The following GABRD variants were observed in gnomAD, a reference collection of about 807,000 sequenced individuals.
GABRD encodes gamma-aminobutyric acid receptor subunit delta.
A neutral mutation model predicts 47.3 loss-of-function variants in GABRD; 25 were observed. The observed-to-expected ratio is 0.53, with a 90% CI of 0.39 to 0.74. GABRD has a LOEUF of 0.74. Ranked by LOEUF, GABRD falls within the 30% of genes least tolerant of loss-of-function variation. The probability of loss-of-function intolerance (pLI) is 0.00; values close to 1 mark genes in which losing one functional copy is unlikely to be tolerated. For synonymous variants in GABRD, 314 were observed against 278.8 expected (o/e 1.13, Z -1.26); for missense variants, 497 against 643.4 (o/e 0.77, Z 2.46).
intron 2 of GABRD, 74 bp downstream of exon 2, chr1:2,025,128 G>A (rs1658883722): frequency 1.5e-6 from 2 of 1,377,942 alleles, no homozygotes; most frequent in Admixed American, 3.9e-5. Flanking sequence ...TGGCCCACTG[G>A]GCTGTAGGCT....
In GABRD at chr1:2,030,346, G is replaced by A; in HGVS notation, c.*64G>A. On this transcript the variant is annotated 3_prime_UTR_variant, in exon 9 of 9. Coordinates refer to ENST00000378585, the MANE Select transcript of GABRD (RefSeq NM_000815.5). Reference sequence around the variant, plus strand: ...GGCGGCAGCTGCCCAGAAACTTCCTGGGAGAAAGAGCCCTCGGGCTGCCTT... The same window carrying A: ...GGCGGCAGCTGCCCAGAAACTTCCTAGGAGAAAGAGCCCTCGGGCTGCCTT... 1 of 1,412,324 alleles carries A rather than the reference G, an allele frequency of 7.1e-7. No homozygotes were observed. Among genetic ancestry groups the A allele is most frequent in the Non-Finnish European group, 9.4e-7 (1 of 1,060,930 alleles). The allele number at this position is 1,412,324 out of a possible 1,614,324, so 87.5% of individuals were successfully genotyped here.
Position 2,019,356 on chromosome 1 carries a change from G to T in GABRD, c.-68G>T, listed in dbSNP as rs1450588166. 8 of 852,554 alleles carry T rather than the reference G, an allele frequency of 9.4e-6. No homozygotes were observed. Among genetic ancestry groups the T allele is most frequent in the Non-Finnish European group, 1.1e-5 (8 of 712,760 alleles). 52.8% of individuals were successfully genotyped at this position (852,554 alleles called of 1,614,324 possible). A position where few individuals can be genotyped will look rare whatever the true frequency, so the allele number is the denominator to read the frequency against. ...CGCCGCGCTCGCTCAGCTCCCGCCC[G>T]CCTGTGCCGCCTGTGCGGCCGCCGG... On this transcript the variant is annotated 5_prime_UTR_variant, in exon 1 of 9. Transcript: ENST00000378585.
intron 1 of GABRD, among the ~76,000 whole-genome samples, chr1:2,021,337 C>T (rs982925164): frequency 6.6e-6 from 1 of 152,200 alleles, no homozygotes; most frequent in African/African-American, 2.4e-5. Context: ...GAAGCACCTG[C>T]CAACTCAGCC....
intron 7 of GABRD, 80 bp downstream of exon 7, chr1:2,029,346 C>A: frequency 6.8e-7 from 1 of 1,475,228 alleles, no homozygotes; most frequent in Non-Finnish European, 9.1e-7. Context: ...CGGCTGGGGG[C>A]TCAGCACTGG....
intron 7 of GABRD, 101 bp from the exon 8 acceptor site, chr1:2,029,450 T>TG: frequency 1.7e-6 from 2 of 1,194,112 alleles, no homozygotes; most frequent in South Asian, 1.3e-5. Flanking sequence ...GGCATGGGGG[T>TG]GGGGGGCAGC....
intron 1 of GABRD, among the ~76,000 whole-genome samples, chr1:2,020,494 G>A (rs966304373): frequency 5.3e-5 from 8 of 152,210 alleles, no homozygotes; most frequent in Non-Finnish European, 7.3e-5. Flanking sequence ...TTGGAGGTGC[G>A]GGGGACAGAG....
At chr1:2,019,948 CCGGAGGGTCTGGGACGGA>C (rs1197557871) in intron 1 of GABRD, among the ~76,000 whole-genome samples, 5 of 152,224 alleles carry the variant, frequency 3.3e-5, no homozygotes, top group Non-Finnish European at 7.3e-5. Context: ...GCTTCCCCAG[CCGGAGGGTCTGGGACGGA>C]CGGAGGAGGC....
At chr1:2,029,334 C>A in intron 7 of GABRD, 68 bp downstream of exon 7, 1 of 1,493,190 alleles carries the variant, frequency 6.7e-7, no homozygotes, top group Non-Finnish European at 9.0e-7. Context: ...CTCCCCATCC[C>A]TCGGCTGGGG....
rs555313992 is a variant in GABRD at position 2,029,150 on chromosome 1, G to A, written c.731G>A (p.Arg244Gln). The stretch of plus-strand genomic sequence containing the variant: ...CGGCTCAGCCTGCACTTCCACCTGC[G>A]GAGGAACCGCGGCGTGTACATCATC... ...FPRLSLHFHL[R>Q]RNRGVYIIQS... The change falls in exon 7 of 9, where the codon CGG (arginine) becomes CAG (glutamine). Residue 244 changes from arginine to glutamine, a missense_variant. This residue lies in a region of GABRD where 285 missense variants were observed against 436.6 expected (regional missense o/e 0.65). Coordinates refer to ENST00000378585, the MANE Select transcript of GABRD (RefSeq NM_000815.5). 2.1e-5 allele frequency: 32 copies of A among 1,547,154 alleles called. No homozygotes were observed. Among genetic ancestry groups the A allele is most frequent in the South Asian group, 5.9e-5 (5 of 84,124 alleles).
rs774210907 is a variant in GABRD, at chr1:2,030,320, C to T, written c.*38C>T. On this transcript the variant is annotated 3_prime_UTR_variant, in exon 9 of 9. Coordinates refer to ENST00000378585, the MANE Select transcript of GABRD (RefSeq NM_000815.5). Reference sequence around the variant, plus strand: ...GGCCACCCTCGCTTGTCCTGGCGCCCGGCGGCAGCTGCCCAGAAACTTCCT... The same window carrying T: ...GGCCACCCTCGCTTGTCCTGGCGCCTGGCGGCAGCTGCCCAGAAACTTCCT... The T allele has an allele frequency of 1.6e-5, 24 of 1,465,214 alleles. 1 individual carries two copies. The highest frequency in any genetic ancestry group is 2.2e-4 in the Middle Eastern group (1 of 4,618). The allele number at this position is 1,465,214 out of a possible 1,614,324, so 90.8% of individuals were successfully genotyped here.
At position 2,025,327 on chromosome 1, in the gene GABRD, C is replaced by T; in HGVS notation, c.182-7C>T. 1 of 1,613,196 alleles carries T rather than the reference C, an allele frequency of 6.2e-7. No individual in the cohort carries two copies. Among genetic ancestry groups the T allele is most frequent in the Admixed American group, 1.7e-5 (1 of 60,030 alleles). Reference sequence around the variant, plus strand: ...CAGTCCTTCTTAGTTCTGCTCTTTCCTTGCAGGCCCCCCCGTGAATGTGGC... The same window carrying T: ...CAGTCCTTCTTAGTTCTGCTCTTTCTTTGCAGGCCCCCCCGTGAATGTGGC... On this transcript the variant is annotated splice_polypyrimidine_tract_variant and splice_region_variant and intron_variant, in intron 2 of 8. Transcript: ENST00000378585.
In GABRD at chr1:2,029,688, G is replaced by A. The variant is rs1270464006; in HGVS notation, c.985G>A (p.Ala329Thr). The A allele has an allele frequency of 2.5e-6, 4 of 1,613,466 alleles. No homozygotes were observed. The highest frequency in any genetic ancestry group is 1.7e-5 in the Admixed American group (1 of 60,012). The change falls in exon 8 of 9, where the codon GCC becomes ACC. Residue 329 changes from alanine to threonine, a missense_variant. By Grantham distance (58) the Ala-to-Thr change is moderately conservative. Coordinates refer to ENST00000378585, the MANE Select transcript of GABRD (RefSeq NM_000815.5). ...CGTGTTTGCCGCCCTGGTGGAGTAC[G>A]CCTTTGCTCATTTCAACGCCGACTA... Reference protein sequence around the residue: ...VFVFAALVEYAFAHFNADYRK... With the variant: ...VFVFAALVEYTFAHFNADYRK...
chr1:2,029,309 C>T, intron 7 of GABRD, 43 bp downstream of exon 7: 2 of 1,532,286 alleles, frequency 1.3e-6, no homozygotes, highest in Non-Finnish European at 1.8e-6. Context: ...GGAAGGGCGG[C>T]CCTGGGGAAC....
intron 4 of GABRD, among the ~76,000 whole-genome samples, chr1:2,026,331 G>C (rs563981702): frequency 6.6e-6 from 1 of 152,212 alleles, no homozygotes; most frequent in South Asian, 2.1e-4. Flanking sequence ...CGGAGTCAGG[G>C]GCGCCTTCTT....
rs374939770 is a variant in GABRD at position 2,028,323 on chromosome 1, T to C, written c.691+31T>C. ...ATATGCCCGCCGCCCCTTCCGCATG[T>C]GCCCGCCGCCCCTTCCGCGCGCGCC... On this transcript the variant is annotated intron_variant, in intron 6 of 8. Transcript: ENST00000378585. This position sits in a 1 kb window ranked among gnomAD's most constrained non-coding sequence, Gnocchi z 6.4. 2,004 of 1,587,536 alleles carry C rather than the reference T, an allele frequency of 1.3e-3. 20 individuals carry two copies. The African/African-American group carries it at 0.023, about 18-fold the overall frequency.
chr1:2,025,564 G>A lies in GABRD; in HGVS notation c.296G>A (p.Arg99Lys), dbSNP rs767191610. ...CTGCACCAGAGCTGGCGGGACAGCA[G>A]GCTCTCCTACAACCACACCAACGAG... is the stretch of plus-strand genomic sequence containing the variant. ...VFLHQSWRDS[R>K]LSYNHTNETL... Residue 99 changes from arginine (R) to lysine (K), a missense_variant, in exon 4 of 9, where the codon AGG becomes AAG. This residue lies in a region of GABRD where 285 missense variants were observed against 436.6 expected (regional missense o/e 0.65). Transcript: ENST00000378585. 2 of 1,613,096 alleles carry A rather than the reference G, an allele frequency of 1.2e-6. No homozygotes were observed. The highest frequency in any genetic ancestry group is 1.7e-6 in the Non-Finnish European group (2 of 1,180,008).
At position 2,029,102 on chromosome 1, in the gene GABRD, T is replaced by C. The variant is rs1438920442; in HGVS notation, c.692-9T>C. Reference sequence around the variant, plus strand: ...GGGATGGGGGCACTGACGGTGGCTGTCCTGGCAGCTGGCCAGTTCCCACGG... The same window carrying C: ...GGGATGGGGGCACTGACGGTGGCTGCCCTGGCAGCTGGCCAGTTCCCACGG... On this transcript the variant is annotated splice_polypyrimidine_tract_variant and intron_variant, in intron 6 of 8. Transcript: ENST00000378585. The C allele has an allele frequency of 1.3e-6, 2 of 1,539,802 alleles. No individual in the cohort carries two copies. The highest frequency in any genetic ancestry group is 1.4e-5 in the African/African-American group (1 of 73,062).
Position 2,030,430 on chromosome 1 carries a change from C to G in GABRD, c.*148C>G, listed in dbSNP as rs374784655. 1.4e-6 allele frequency: 1 copy of G among 705,718 alleles called. No homozygotes were observed. Among genetic ancestry groups the G allele is most frequent in the South Asian group, 2.8e-5 (1 of 36,164 alleles). The allele number at this position is 705,718 out of a possible 1,614,324, so 43.7% of individuals were successfully genotyped here. A position where few individuals can be genotyped will look rare whatever the true frequency, so the allele number is the denominator to read the frequency against. On this transcript the variant is annotated 3_prime_UTR_variant, in exon 9 of 9. Coordinates refer to ENST00000378585, the MANE Select transcript of GABRD (RefSeq NM_000815.5). Reference sequence around the variant, plus strand: ...GGCCACGGAAAACAAGAGGAAGCCTCGGCCTCCCTGAGCTCTGACCCCAGC... The same window carrying G: ...GGCCACGGAAAACAAGAGGAAGCCTGGGCCTCCCTGAGCTCTGACCCCAGC...
chr1:2,026,216 C>A (rs1170032421), intron 4 of GABRD, among the ~76,000 whole-genome samples: 3 of 152,184 alleles, frequency 2.0e-5, no homozygotes, highest in Non-Finnish European at 4.4e-5. Context: ...TGCCCAGAGA[C>A]AGAAACATTT....
Sources: gnomAD v4.1 joint callset for allele counts (sites outside exome capture counted in the v4.1 genomes callset) on GRCh38, gnomAD v4.1.1 for gene constraint, gnomAD v4.1.1 regional missense constraint, Gnocchi (gnomAD v3.1) non-coding constraint, MANE v1.5 for transcripts, NCBI Gene and HGNC (gene_info 2026-07-23, HGNC 2026-07-21) for gene names.